Variants in EXD2 observed in about 807,000 individuals in gnomAD.
The protein encoded by EXD2 is exonuclease 3'-5' domain-containing protein 2.
In EXD2, 40 loss-of-function variants were observed where a neutral mutation model predicts 62.5. The ratio of observed to expected loss-of-function variants is 0.64; its 90% confidence interval spans 0.50 to 0.83. EXD2 has a LOEUF of 0.83. Among genes scored for constraint, EXD2 ranks in the 40% least tolerant of loss-of-function variants. The pLI, the probability that EXD2 is intolerant of heterozygous loss-of-function variation, is 0.00. For missense variants in EXD2, 671 were observed against 761.8 expected (o/e 0.88, Z 1.40); for synonymous variants, 239 against 291.9 (o/e 0.82, Z 1.85).
chr14:69,238,599 G>GTT (rs556113895), intron 9 of EXD2, among the ~76,000 whole-genome samples: 70 of 131,196 alleles, frequency 5.3e-4, no homozygotes, highest in Non-Finnish European at 5.7e-4. Flanking sequence ...AGTACAGATA[G>GTT]TTTTTTTTTT....
At chr14:69,237,984 TAGTG>T (rs1245485973) in intron 9 of EXD2, 53 bp downstream of exon 9, 13 of 1,465,192 alleles carry the variant, frequency 8.9e-6, no homozygotes, top group African/African-American at 1.4e-5. Context: ...CCTCATTACT[TAGTG>T]AGAATGCTTG....
chr14:69,240,658 A>G (rs1217478511), intron 9 of EXD2, among the ~76,000 whole-genome samples: 1 of 152,200 alleles, frequency 6.6e-6, no homozygotes, highest in African/African-American at 2.4e-5. Context: ...TCCTGTCAGT[A>G]GAGCTCAGAA....
intron 1 of EXD2, among the ~76,000 whole-genome samples, chr14:69,197,987 C>T (rs915956382): frequency 1.1e-4 from 17 of 152,268 alleles, no homozygotes; most frequent in African/African-American, 4.1e-4. Context: ...TGTTTGACAG[C>T]TGCTATCATA....
At chr14:69,224,904 G>A (rs565489556) in intron 3 of EXD2, among the ~76,000 whole-genome samples, 2 of 151,302 alleles carry the variant, frequency 1.3e-5, no homozygotes, top group South Asian at 2.1e-4. Flanking sequence ...ACTTGAACCC[G>A]GGAGGCAGAG....
intron 2 of EXD2, among the ~76,000 whole-genome samples, chr14:69,206,323 T>C (rs897340813): frequency 2.6e-5 from 4 of 151,982 alleles, no homozygotes; most frequent in Admixed American, 6.6e-5. Flanking sequence ...GTGGATAGGG[T>C]GGCACTCCCC....
intron 6 of EXD2, 45 bp from the exon 7 acceptor site, chr14:69,236,001 C>A: frequency 1.4e-6 from 2 of 1,461,718 alleles, no homozygotes; most frequent in South Asian, 2.3e-5. Flanking sequence ...CATTTTGACC[C>A]ACAGTTAGCT....
chr14:69,212,280 G>A (rs1328849751), intron 3 of EXD2, among the ~76,000 whole-genome samples: 2 of 152,092 alleles, frequency 1.3e-5, no homozygotes, highest in African/African-American at 4.8e-5. Context: ...GGGAGGCTGA[G>A]GCAGGAGAAT....
intron 3 of EXD2, among the ~76,000 whole-genome samples, chr14:69,220,180 C>T (rs2043119898): frequency 6.7e-6 from 1 of 150,110 alleles, no homozygotes; most frequent in Non-Finnish European, 1.5e-5. Flanking sequence ...GGCGCCTGCA[C>T]CTGGGCAACT....
intron 1 of EXD2, among the ~76,000 whole-genome samples, chr14:69,200,924 A>G (rs2042375751): frequency 6.6e-6 from 1 of 151,430 alleles, no homozygotes; most frequent in Non-Finnish European, 1.5e-5. Context: ...AAATACAAAA[A>G]TTAACCGGGT....
In EXD2 at chr14:69,209,421, C is replaced by A; in HGVS notation, c.-47-3C>A. 2 of 1,396,640 alleles carry A rather than the reference C, an allele frequency of 1.4e-6. No individual in the cohort carries two copies. The highest frequency in any genetic ancestry group is 9.5e-7 in the Non-Finnish European group (1 of 1,055,544). The allele number at this position is 1,396,640 out of a possible 1,614,324, so 86.5% of individuals were successfully genotyped here. A position where few individuals can be genotyped will look rare whatever the true frequency, so the allele number is the denominator to read the frequency against. ...AAATATATTTTTGCCATTTGTTTTG[C>A]AGATTGTGGGATTAGTGATATGCTT... On this transcript the variant is annotated splice_region_variant and splice_polypyrimidine_tract_variant and intron_variant, in intron 2 of 9. Coordinates refer to ENST00000685843, the MANE Select transcript of EXD2 (RefSeq NM_001193360.2).
intron 4 of EXD2, among the ~76,000 whole-genome samples, chr14:69,230,037 T>C (rs1353387224): frequency 1.3e-5 from 2 of 152,166 alleles, no homozygotes; most frequent in African/African-American, 2.4e-5. Context: ...AAAGCCCCCC[T>C]TCATCAGGCC....
rs929902929 is a variant in EXD2 at position 69,233,489 on chromosome 14, C to G, written c.718-1211C>G. 2.0e-5 allele frequency among the ~76,000 whole-genome samples: 3 copies of G among 151,934 alleles called. No individual in the cohort carries two copies. In the East Asian group the frequency reaches 5.8e-4, roughly 29 times the overall value. ...TCGCTCAGGCTGGAGTGCAGTGGTG[C>G]GATCTCAGCTCACTGCAACTTCTGC... On this transcript the variant is annotated intron_variant, in intron 5 of 9. Coordinates refer to ENST00000685843, the MANE Select transcript of EXD2 (RefSeq NM_001193360.2).
At chr14:69,202,646 A>T (rs1029207059) in intron 1 of EXD2, among the ~76,000 whole-genome samples, 12 of 152,218 alleles carry the variant, frequency 7.9e-5, no homozygotes, top group Admixed American at 6.5e-4. Context: ...AGAAAAAAAA[A>T]TGCAGTTTAC....
chr14:69,228,584 T>A (rs537343524), intron 3 of EXD2, among the ~76,000 whole-genome samples: 8 of 152,314 alleles, frequency 5.3e-5, no homozygotes, highest in East Asian at 1.9e-4. Context: ...TATGGACTTA[T>A]ATTTCAGACC....
chr14:69,230,071 C>T (rs1051663522), intron 4 of EXD2, among the ~76,000 whole-genome samples: 1 of 152,160 alleles, frequency 6.6e-6, no homozygotes, highest in African/African-American at 2.4e-5. Flanking sequence ...CACCAGCTCC[C>T]CAGAATGCCA....
At chr14:69,213,537 ATT>A (rs746653694) in intron 3 of EXD2, among the ~76,000 whole-genome samples, 1,346 of 76,486 alleles carry the variant, frequency 0.018, 33 homozygotes, top group African/African-American at 0.072. Flanking sequence ...CACCTGGATA[ATT>A]TTTTTTTTTT....
intron 2 of EXD2, among the ~76,000 whole-genome samples, chr14:69,205,034 A>C (rs939243754): frequency 4.6e-5 from 7 of 152,208 alleles, no homozygotes; most frequent in African/African-American, 1.4e-4. Context: ...GTTACAAATA[A>C]GTAACTGCTA....
rs534929456 is a variant in EXD2, at chr14:69,223,506, C to T, written c.334-5310C>T. Among the ~76,000 whole-genome samples, 243 of 152,236 alleles carry T rather than the reference C, an allele frequency of 1.6e-3. 5 individuals carry two copies. The highest frequency in any genetic ancestry group is 7.7e-4 in the East Asian group (4 of 5,192). ...AATTTCTTTAATGGCAAAATATATG[C>T]AAATCCAAAGAAGTGGTTATACAAA... On this transcript the variant is annotated intron_variant, in intron 3 of 9. Coordinates refer to ENST00000685843, the MANE Select transcript of EXD2 (RefSeq NM_001193360.2).
At chr14:69,196,682 G>A (rs2042215294) in intron 1 of EXD2, among the ~76,000 whole-genome samples, 1 of 151,084 alleles carries the variant, frequency 6.6e-6, no homozygotes, top group African/African-American at 2.4e-5. Context: ...GGAGTGCAGT[G>A]GAGTGATCAA....
Sources: allele counts gnomAD v4.1 joint callset (sites outside exome capture counted in the v4.1 genomes callset), GRCh38; gene constraint gnomAD v4.1.1; transcripts MANE v1.5; gene names NCBI Gene and HGNC (gene_info 2026-07-23, HGNC 2026-07-21).